AGBL4: variants seen among roughly 807,000 people sequenced by gnomAD.
AGBL4 encodes cytosolic carboxypeptidase 6.
In AGBL4, 58 loss-of-function variants were observed where a neutral mutation model predicts 66.4. The observed-to-expected ratio is 0.87, with a 90% confidence interval of 0.71 to 1.09. The LOEUF (loss-of-function observed/expected upper bound fraction) is 1.09, where lower values mean the gene tolerates loss of function less well. Among genes scored for constraint, AGBL4 ranks in the 50% least tolerant of loss-of-function variants. AGBL4 has a pLI of 0.00. For synonymous variants in AGBL4, 234 were observed against 222.9 expected, an observed-to-expected ratio of 1.05 and a Z score of -0.44; for missense variants, 579 against 631.0, an observed-to-expected ratio of 0.92 and a Z score of 0.88.
intron 2 of AGBL4, among the ~76,000 whole-genome samples, chr1:49,780,808 A>G (rs1462039748): frequency 1.3e-5 from 2 of 152,144 alleles, no homozygotes; most frequent in African/African-American, 4.8e-5. Context: ...TGAAGGAGGA[A>G]CAGTGACTAA....
At position 48,949,057 on chromosome 1, in the gene AGBL4, T is replaced by C. The variant is rs545182038; in HGVS notation, c.595-81827A>G. Among the ~76,000 whole-genome samples the C allele has an allele frequency of 4.6e-5, 7 of 152,294 alleles. No individual in the cohort carries two copies. In the South Asian group the frequency reaches 1.0e-3, roughly 23 times the overall value. On this transcript the variant is annotated intron_variant, in intron 5 of 13. Coordinates refer to ENST00000371839, the MANE Select transcript of AGBL4 (RefSeq NM_032785.4). ...CCAGAATTTATACAGAATTTCCAAGTACACATCTGGAAACTGAGTACAAGA... is the reference window on the plus strand; with the variant it reads ...CCAGAATTTATACAGAATTTCCAAGCACACATCTGGAAACTGAGTACAAGA...
intron 3 of AGBL4, among the ~76,000 whole-genome samples, chr1:49,648,641 G>A (rs1200770367): frequency 1.3e-5 from 2 of 152,014 alleles, no homozygotes; most frequent in Non-Finnish European, 1.5e-5. Flanking sequence ...TTATCTAGGG[G>A]TAAGTAAAAA....
chr1:48,955,411 G>A (rs908643321), intron 5 of AGBL4, among the ~76,000 whole-genome samples: 1 of 152,178 alleles, frequency 6.6e-6, no homozygotes, highest in African/African-American at 2.4e-5. Flanking sequence ...CTGAGGCCTG[G>A]CACCCAATGA....
intron 1 of AGBL4, among the ~76,000 whole-genome samples, chr1:49,930,359 T>C (rs10788924): frequency 0.69 from 104,216 of 151,834 alleles, 36,545 homozygotes; most frequent in African/African-American, 0.78. Context: ...TCCCTTTTAG[T>C]TGTTGAACTC....
intron 3 of AGBL4, among the ~76,000 whole-genome samples, chr1:49,307,035 T>G (rs554195541): frequency 6.6e-6 from 1 of 152,248 alleles, no homozygotes; most frequent in East Asian, 1.9e-4. Flanking sequence ...CTCTTTATCC[T>G]CCAAATCCAC....
chr1:49,908,643 A>G (rs1260721238), intron 1 of AGBL4, among the ~76,000 whole-genome samples: 2 of 152,052 alleles, frequency 1.3e-5, no homozygotes, highest in Admixed American at 1.3e-4. Flanking sequence ...GAATGGCCTA[A>G]TACACTGGGC....
At chr1:49,659,702 C>T (rs1210337113) in intron 3 of AGBL4, among the ~76,000 whole-genome samples, 1 of 152,134 alleles carries the variant, frequency 6.6e-6, no homozygotes, top group Admixed American at 6.6e-5. Context: ...CAATATTAGA[C>T]AGATCATTGA....
At chr1:49,233,713 G>A (rs996063250) in intron 4 of AGBL4, among the ~76,000 whole-genome samples, 24 of 152,260 alleles carry the variant, frequency 1.6e-4, no homozygotes, top group Admixed American at 1.5e-3. Flanking sequence ...TCTTTATAGG[G>A]ACAATAATAT....
intron 9 of AGBL4, among the ~76,000 whole-genome samples, chr1:48,614,624 A>G (rs1179145740): frequency 6.6e-6 from 1 of 152,176 alleles, no homozygotes; most frequent in Non-Finnish European, 1.5e-5. Context: ...CCCAGTTTGC[A>G]TTACCCTTGC....
intron 4 of AGBL4, among the ~76,000 whole-genome samples, chr1:49,074,504 G>C (rs1173614067): frequency 6.6e-6 from 1 of 152,156 alleles, no homozygotes; most frequent in Admixed American, 6.5e-5. Context: ...GACTGGAGCT[G>C]TTCCTATTCG....
intron 11 of AGBL4, among the ~76,000 whole-genome samples, chr1:48,579,320 C>T (rs570268522): frequency 2.8e-4 from 42 of 152,014 alleles, no homozygotes; most frequent in African/African-American, 7.7e-4. Flanking sequence ...CTCTGCCTCC[C>T]GGGTTCAAGT....
At chr1:49,424,019 T>C (rs1378911699) in intron 3 of AGBL4, among the ~76,000 whole-genome samples, 1 of 152,152 alleles carries the variant, frequency 6.6e-6, no homozygotes, top group Non-Finnish European at 1.5e-5. Flanking sequence ...TTCTCTGGCC[T>C]GCTCTATGCC....
In AGBL4 at chr1:48,689,203, C is replaced by CAAAAAAAA. The variant is rs939955179; in HGVS notation, c.635-25970_635-25963dup. On this transcript the variant is annotated intron_variant, in intron 6 of 13. Transcript: ENST00000371839. ...TGGGTGACAGAGCGAGACCCGGTCT[C>CAAAAAAAA]AAAAAAAAAAAAAAAAAAAAGAAAA... is the stretch of plus-strand genomic sequence containing the variant. Among the ~76,000 whole-genome samples the CAAAAAAAA allele has an allele frequency of 9.4e-3, 499 of 53,274 alleles. 10 individuals are homozygous for CAAAAAAAA. Among genetic ancestry groups the CAAAAAAAA allele is most frequent in the African/African-American group, 0.028 (469 of 16,814 alleles). The allele number at this position is 53,274 out of a possible 152,430, so 34.9% of individuals were successfully genotyped here.
intron 11 of AGBL4, among the ~76,000 whole-genome samples, chr1:48,562,294 AC>A (rs1557787828): frequency 5.3e-5 from 8 of 152,242 alleles, no homozygotes. Context: ...CATGGAGCTA[AC>A]AGGACCCTTA....
At chr1:49,757,210 T>C (rs577948774) in intron 2 of AGBL4, among the ~76,000 whole-genome samples, 1 of 152,310 alleles carries the variant, frequency 6.6e-6, no homozygotes, top group African/African-American at 2.4e-5. Context: ...TGCTTCCCCT[T>C]CTGCCATGAT....
intron 12 of AGBL4, among the ~76,000 whole-genome samples, chr1:48,538,161 T>C (rs1216737737): frequency 1.3e-5 from 2 of 152,140 alleles, no homozygotes; most frequent in Non-Finnish European, 2.9e-5. Flanking sequence ...GAAGACTCTA[T>C]GACATGGGGC....
intron 3 of AGBL4, among the ~76,000 whole-genome samples, chr1:49,629,938 A>G (rs1392647152): frequency 6.6e-6 from 1 of 152,150 alleles, no homozygotes; most frequent in African/African-American, 2.4e-5. Context: ...GGATTTAATC[A>G]GCACCCTTAT....
At chr1:49,469,202 A>G (rs980216405) in intron 3 of AGBL4, among the ~76,000 whole-genome samples, 4 of 151,776 alleles carry the variant, frequency 2.6e-5, no homozygotes, top group African/African-American at 7.2e-5. Context: ...ATTATTGCCT[A>G]TTTTATTGTT....
intron 6 of AGBL4, among the ~76,000 whole-genome samples, chr1:48,668,836 T>C (rs543756238): frequency 1.3e-5 from 2 of 152,346 alleles, no homozygotes; most frequent in East Asian, 3.9e-4. Flanking sequence ...GGCCATAGTA[T>C]AGACATTTAT....
Sources: allele counts gnomAD v4.1 joint callset (sites outside exome capture counted in the v4.1 genomes callset), GRCh38; gene constraint gnomAD v4.1.1; transcripts MANE v1.5; gene names NCBI Gene and HGNC (gene_info 2026-07-23, HGNC 2026-07-21).